The following LRP1B variants were observed in gnomAD, a reference collection of about 807,000 sequenced individuals.
The protein encoded by LRP1B is low-density lipoprotein receptor-related protein 1B.
LRP1B carries 217 observed loss-of-function variants against 556.6 expected under a neutral mutation model. The ratio of observed to expected loss-of-function variants is 0.39; its 90% CI spans 0.35 to 0.44. LRP1B has a LOEUF of 0.44. LRP1B is among the 20% of genes least tolerant of loss of function. The probability of loss-of-function intolerance (pLI) is 1.00; values close to 1 mark genes in which losing one functional copy is unlikely to be tolerated. For synonymous variants in LRP1B, 2,047 were observed against 1,865.8 expected (o/e 1.10, Z -2.50); for missense variants, 5,053 against 5,620.8 (o/e 0.90, Z 3.23).
intron 7 of LRP1B, among the ~76,000 whole-genome samples, chr2:141,170,263 T>C (rs1362862380): frequency 2.0e-5 from 3 of 152,114 alleles, no homozygotes; most frequent in African/African-American, 4.8e-5. Context: ...GTGGCTCTCA[T>C]GGCTCTACTT....
At chr2:141,642,010 C>CAAAAAA (rs1558774503) in intron 2 of LRP1B, among the ~76,000 whole-genome samples, 44 of 149,424 alleles carry the variant, frequency 2.9e-4, no homozygotes, top group Middle Eastern at 3.4e-3. Flanking sequence ...CAAACAAAAC[C>CAAAAAA]CCCCCCCAAA....
At chr2:141,733,464 T>C (rs1693355695) in intron 2 of LRP1B, among the ~76,000 whole-genome samples, 1 of 152,130 alleles carries the variant, frequency 6.6e-6, no homozygotes, top group Non-Finnish European at 1.5e-5. Flanking sequence ...TTGTCTGTGG[T>C]CTTACATCCT....
chr2:140,265,177 C>T (rs1219934434), intron 86 of LRP1B, among the ~76,000 whole-genome samples: 1 of 151,994 alleles, frequency 6.6e-6, no homozygotes, highest in Non-Finnish European at 1.5e-5. Context: ...AAGGCTTGGT[C>T]AACTTACTAT....
intron 37 of LRP1B, among the ~76,000 whole-genome samples, chr2:140,703,834 C>A (rs1481019385): frequency 6.6e-6 from 1 of 152,108 alleles, no homozygotes; most frequent in Non-Finnish European, 1.5e-5. Context: ...CATGTTGCTG[C>A]AAAAGGGCTG....
chr2:141,226,493 T>C (rs1450639408), intron 6 of LRP1B, among the ~76,000 whole-genome samples: 3 of 152,164 alleles, frequency 2.0e-5, no homozygotes, highest in African/African-American at 4.8e-5. Context: ...GTTTTTCTTC[T>C]CATAGCAATC....
intron 27 of LRP1B, among the ~76,000 whole-genome samples, chr2:140,857,932 A>G (rs1692667247): frequency 6.6e-6 from 1 of 152,112 alleles, no homozygotes; most frequent in Non-Finnish European, 1.5e-5. Context: ...CACTTGTTAC[A>G]TGCTTTGAAA....
chr2:141,675,316 T>C (rs1202699254), intron 2 of LRP1B, among the ~76,000 whole-genome samples: 2 of 151,964 alleles, frequency 1.3e-5, no homozygotes, highest in Non-Finnish European at 2.9e-5. Context: ...TAGAGAGTTT[T>C]CTTTTTTCCC....
At chr2:141,335,129 C>A (rs1358922588) in intron 3 of LRP1B, among the ~76,000 whole-genome samples, 1 of 152,164 alleles carries the variant, frequency 6.6e-6, no homozygotes, top group Admixed American at 6.5e-5. Flanking sequence ...GCTACAAATA[C>A]TACAACTTCA....
chr2:140,598,111 T>C (rs185330929), intron 43 of LRP1B, among the ~76,000 whole-genome samples: 2 of 152,156 alleles, frequency 1.3e-5, no homozygotes, highest in Non-Finnish European at 2.9e-5. Context: ...AGGGATAGCA[T>C]AGCAACTCTT....
At chr2:140,982,426 C>T (rs1368684453) in intron 17 of LRP1B, 150 bp from the exon 18 acceptor site, 3 of 569,672 alleles carry the variant, frequency 5.3e-6, no homozygotes, top group Non-Finnish European at 9.2e-6. Context: ...TTATTTAAGG[C>T]TTCTGAATAC....
At chr2:142,038,198 T>C (rs1365940363) in intron 1 of LRP1B, among the ~76,000 whole-genome samples, 2 of 151,650 alleles carry the variant, frequency 1.3e-5, no homozygotes, top group Non-Finnish European at 3.0e-5. Context: ...CTTGAGAGCA[T>C]AAGGACTGCA....
chr2:141,191,863 T>C (rs1681525947), intron 6 of LRP1B, among the ~76,000 whole-genome samples: 1 of 151,924 alleles, frequency 6.6e-6, no homozygotes, highest in South Asian at 2.1e-4. Flanking sequence ...AGATAAAGTA[T>C]GTGCCAGAGT....
At chr2:140,453,981 T>C (rs1321707152) in intron 62 of LRP1B, among the ~76,000 whole-genome samples, 2 of 152,172 alleles carry the variant, frequency 1.3e-5, no homozygotes, top group Non-Finnish European at 2.9e-5. Flanking sequence ...AAAATCATGT[T>C]TCTACAAACT....
chr2:141,620,913 T>A (rs1428559806), intron 2 of LRP1B, among the ~76,000 whole-genome samples: 7 of 150,154 alleles, frequency 4.7e-5, no homozygotes, highest in African/African-American at 1.7e-4. Flanking sequence ...CTGAATTTTC[T>A]TCCAAAAAGT....
intron 7 of LRP1B, among the ~76,000 whole-genome samples, chr2:141,172,497 A>C (rs564428596): frequency 6.6e-6 from 1 of 152,176 alleles, no homozygotes; most frequent in South Asian, 2.1e-4. Context: ...ACTAAAATGA[A>C]TATTCTTATT....
chr2:141,832,647 C>T (rs958722268), intron 1 of LRP1B, among the ~76,000 whole-genome samples: 1 of 151,598 alleles, frequency 6.6e-6, no homozygotes, highest in African/African-American at 2.4e-5. Flanking sequence ...GAAAAGAATC[C>T]TCAGTCTAAT....
chr2:141,574,491 T>G (rs539932606), intron 2 of LRP1B, among the ~76,000 whole-genome samples: 2 of 151,814 alleles, frequency 1.3e-5, no homozygotes, highest in Admixed American at 1.3e-4. Flanking sequence ...GTCAGTATCA[T>G]TCAGTATCAT....
chr2:140,883,300 C>G (rs140385921), intron 25 of LRP1B, among the ~76,000 whole-genome samples: 1,535 of 152,194 alleles, frequency 0.01, 31 homozygotes, highest in African/African-American at 0.034. Context: ...TTTCAAACCT[C>G]CTAACAGTCA....
At chr2:141,581,904 A>G (rs967988092) in intron 2 of LRP1B, among the ~76,000 whole-genome samples, 1 of 152,186 alleles carries the variant, frequency 6.6e-6, no homozygotes, top group Admixed American at 6.5e-5. Flanking sequence ...TAAATATTTC[A>G]TCACTTTATT....
Sources: gnomAD v4.1 joint callset for allele counts (sites outside exome capture counted in the v4.1 genomes callset) on GRCh38, gnomAD v4.1.1 for gene constraint, MANE v1.5 for transcripts, NCBI Gene and HGNC (gene_info 2026-07-23, HGNC 2026-07-21) for gene names.